Variants in PCDHA13 observed in about 807,000 individuals in gnomAD.
PCDHA13 encodes protocadherin alpha-13.
A neutral mutation model predicts 64.8 loss-of-function variants in PCDHA13; 54 were observed. That is an observed-to-expected ratio of 0.83 (90% CI 0.67 to 1.04). PCDHA13 has a LOEUF of 1.04. Among genes scored for constraint, PCDHA13 ranks in the 50% least tolerant of loss-of-function variants. PCDHA13 has a pLI of 0.00. For missense variants in PCDHA13, 1,248 were observed against 1,254.3 expected, an observed-to-expected ratio of 0.99 and a Z score of 0.08; for synonymous variants, 587 against 564.4, an observed-to-expected ratio of 1.04 and a Z score of -0.57.
chr5:140,918,456 T>A (rs782254836), intron 1 of PCDHA13, among the ~76,000 whole-genome samples: 9 of 152,316 alleles, frequency 5.9e-5, no homozygotes, highest in South Asian at 4.1e-4. Flanking sequence ...GTGGGCATCC[T>A]TGTCTTATTC....
At chr5:140,926,854 G>C (rs1554203742) in intron 1 of PCDHA13, 3 of 1,520,530 alleles carry the variant, frequency 2.0e-6, no homozygotes, top group South Asian at 2.6e-5. Flanking sequence ...GTCACCGTTG[G>C]TGTAGCGTGT....
intron 1 of PCDHA13, among the ~76,000 whole-genome samples, chr5:140,921,272 C>T (rs2080137544): frequency 6.6e-6 from 1 of 152,074 alleles, no homozygotes; most frequent in African/African-American, 2.4e-5. Context: ...TTTATACTTA[C>T]TTGAAAAAAA....
intron 1 of PCDHA13, among the ~76,000 whole-genome samples, chr5:140,976,713 T>TA (rs1554237898): frequency 6.6e-6 from 1 of 152,216 alleles, no homozygotes; most frequent in Admixed American, 6.5e-5. Flanking sequence ...CTTTGCATTA[T>TA]AGTTCATTTA....
intron 1 of PCDHA13, chr5:140,928,636 A>G: frequency 6.2e-7 from 1 of 1,614,206 alleles, no homozygotes; most frequent in Non-Finnish European, 8.5e-7. Context: ...CTTGGTCACA[A>G]AAGTGGTAGC....
intron 1 of PCDHA13, among the ~76,000 whole-genome samples, chr5:140,886,840 A>G (rs1175023921): frequency 4.0e-5 from 6 of 151,546 alleles, no homozygotes; most frequent in South Asian, 2.1e-4. Context: ...AAAAAAAAAA[A>G]AAAAAAAGAA....
rs1209791227 is a variant in PCDHA13, at chr5:140,923,921, C to A, written c.2394+39259C>A. Among the ~76,000 whole-genome samples, 3 of 152,180 alleles carry A rather than the reference C, an allele frequency of 2.0e-5. No individual in the cohort carries two copies. The East Asian group carries it at 5.8e-4, about 29-fold the overall frequency. On this transcript the variant is annotated intron_variant, in intron 1 of 3. Transcript: ENST00000289272. ...TTCTGTGAAGATTTCCCATACTGTT[C>A]TCTGTATGCATTTTTCCTTTTTTCC...
intron 1 of PCDHA13, chr5:140,968,073 A>G: frequency 6.2e-7 from 1 of 1,614,142 alleles, no homozygotes; most frequent in African/African-American, 1.3e-5. Flanking sequence ...GCTGTCTACA[A>G]CATCACGGTG....
Position 141,010,126 on chromosome 5 carries a change from C to G in PCDHA13, c.*189C>G, listed in dbSNP as rs2098416139. ...TTTTGTCGTAAAAGCTTTACTAAGT[C>G]TGGTGTTAACTCTTTCTCTCCACTC... On this transcript the variant is annotated 3_prime_UTR_variant, in exon 4 of 4. Coordinates refer to ENST00000289272, the MANE Select transcript of PCDHA13 (RefSeq NM_018904.3). 1 of 1,602,246 alleles carries G rather than the reference C, an allele frequency of 6.2e-7. No homozygotes were observed. The highest frequency in any genetic ancestry group is 8.5e-7 in the Non-Finnish European group (1 of 1,173,654).
intron 1 of PCDHA13, among the ~76,000 whole-genome samples, chr5:140,974,337 T>TA (rs2096623719): frequency 6.6e-6 from 1 of 152,214 alleles, no homozygotes; most frequent in Admixed American, 6.5e-5. Context: ...GCTAGCAGGC[T>TA]ATGCATCCAG....
chr5:140,927,825 GGCGAGGGA>G (rs782044178), intron 1 of PCDHA13: 1 of 1,614,098 alleles, frequency 6.2e-7, no homozygotes, highest in Non-Finnish European at 8.5e-7. Context: ...CATACATTGA[GGCGAGGGA>G]CGAAGGTGTC....
chr5:140,886,847 AG>A lies in PCDHA13; in HGVS notation c.2394+2186del, dbSNP rs1299329603. ...GTCTTGAAAAAAAAAAAAAAAAAAA[AG>A]AAAGGTCTTCCCAACTCCTATATTG... On this transcript the variant is annotated intron_variant, in intron 1 of 3. Transcript: ENST00000289272. Among the ~76,000 whole-genome samples the A allele has an allele frequency of 2.2e-3, 339 of 151,134 alleles. 4 individuals are homozygous for A. Among genetic ancestry groups the A allele is most frequent in the African/African-American group, 7.8e-3 (323 of 41,170 alleles).
intron 1 of PCDHA13, among the ~76,000 whole-genome samples, chr5:140,884,893 G>T (rs1186873075): frequency 1.3e-5 from 2 of 152,138 alleles, no homozygotes; most frequent in East Asian, 1.9e-4. Context: ...AGAATATTTT[G>T]TTTCTGTTGT....
intron 1 of PCDHA13, chr5:140,966,615 G>C (rs1423136904): frequency 3.9e-6 from 3 of 773,600 alleles, no homozygotes; most frequent in Non-Finnish European, 5.6e-6. Flanking sequence ...GAGGGCCTAC[G>C]GAGGGAGCGG....
rs552517946 is a variant in PCDHA13 at position 140,913,359 on chromosome 5, A to G, written c.2394+28697A>G. Reference sequence around the variant, plus strand: ...TTTATCCATTTCCTCTAGATTTTTAAATTTATTGGCATATAGTGGCTCATC... The same window carrying G: ...TTTATCCATTTCCTCTAGATTTTTAGATTTATTGGCATATAGTGGCTCATC... On this transcript the variant is annotated intron_variant, in intron 1 of 3. Coordinates refer to ENST00000289272, the MANE Select transcript of PCDHA13 (RefSeq NM_018904.3). Among the ~76,000 whole-genome samples, 4 of 152,082 alleles carry G rather than the reference A, an allele frequency of 2.6e-5. No homozygotes were observed. In the East Asian group the frequency reaches 7.7e-4, roughly 29 times the overall value.
chr5:140,904,797 C>T (rs2071388214), intron 1 of PCDHA13, among the ~76,000 whole-genome samples: 1 of 152,022 alleles, frequency 6.6e-6, no homozygotes, highest in East Asian at 1.9e-4. Context: ...TTTGCATTTT[C>T]CTGATAATTA....
At chr5:140,932,413 A>G (rs2088287956) in intron 1 of PCDHA13, among the ~76,000 whole-genome samples, 1 of 151,930 alleles carries the variant, frequency 6.6e-6, no homozygotes, top group Admixed American at 6.6e-5. Flanking sequence ...ATGTTATATT[A>G]GTGTATTGTT....
At chr5:140,967,593 T>C (rs2096161783) in intron 1 of PCDHA13, 2 of 1,614,078 alleles carry the variant, frequency 1.2e-6, no homozygotes, top group Non-Finnish European at 1.7e-6. Context: ...GGCACATTGG[T>C]GGTGAAGCTG....
chr5:140,928,921 C>A (rs782289381), intron 1 of PCDHA13: 1 of 1,614,116 alleles, frequency 6.2e-7, no homozygotes, highest in Non-Finnish European at 8.5e-7. Flanking sequence ...AGGAGGGCAG[C>A]TTTCTGCCCA....
chr5:140,988,817 C>T (rs1244038207), intron 3 of PCDHA13: 8 of 152,028 alleles, frequency 5.3e-5, no homozygotes, highest in Admixed American at 1.3e-4. Context: ...TAACAGTAGC[C>T]CCAAACAGAG....
Sources: gnomAD v4.1 joint callset for allele counts (sites outside exome capture counted in the v4.1 genomes callset) on GRCh38, gnomAD v4.1.1 for gene constraint, MANE v1.5 for transcripts, NCBI Gene and HGNC (gene_info 2026-07-23, HGNC 2026-07-21) for gene names.